The following MEGF11 variants were observed in gnomAD, a reference collection of about 807,000 sequenced individuals.
The protein encoded by MEGF11 is multiple epidermal growth factor-like domains protein 11.
In MEGF11, 126 loss-of-function variants were observed where a neutral mutation model predicts 146.6. The observed-to-expected ratio is 0.86, with a 90% confidence interval of 0.74 to 1.00. The LOEUF is 1.00. Among genes scored for constraint, MEGF11 ranks in the 50% least tolerant of loss-of-function variants. MEGF11 has a pLI of 0.00. For missense variants in MEGF11, 1,509 were observed against 1,521.2 expected (o/e 0.99, Z 0.13); for synonymous variants, 532 against 583.4 (o/e 0.91, Z 1.27).
intron 4 of MEGF11, among the ~76,000 whole-genome samples, chr15:66,116,876 G>A (rs1029605195): frequency 6.6e-6 from 1 of 152,172 alleles, no homozygotes; most frequent in East Asian, 1.9e-4. Context: ...GTTCAGAGAG[G>A]TAAAGCCTTG....
intron 21 of MEGF11, among the ~76,000 whole-genome samples, chr15:65,911,838 TA>T (rs1363128677): frequency 2.6e-5 from 4 of 152,168 alleles, no homozygotes; most frequent in African/African-American, 7.2e-5. Flanking sequence ...GGTACAGGGG[TA>T]TATGTTATAC....
In MEGF11 at chr15:65,940,128, C is replaced by T. The variant is rs558508973; in HGVS notation, c.1288-9185G>A. On this transcript the variant is annotated intron_variant, in intron 10 of 25. Coordinates refer to ENST00000395614, the MANE Select transcript of MEGF11 (RefSeq NM_001385028.1). ...AAATGAGGCTGTGGCATGAAAGGGG[C>T]ACAGGCTAGTCCCTCCCTACTTCCA... 9.7e-4 allele frequency among the ~76,000 whole-genome samples: 147 copies of T among 152,268 alleles called. 2 individuals carry two copies. The South Asian group carries it at 0.03, about 31-fold the overall frequency.
At chr15:65,916,357 GTC>G in intron 17 of MEGF11, 81 bp from the exon 18 acceptor site, 1 of 1,470,952 alleles carries the variant, frequency 6.8e-7, no homozygotes, top group Non-Finnish European at 9.1e-7. Flanking sequence ...CCTGTCTTCT[GTC>G]TCTTTTTTTG....
intron 5 of MEGF11, among the ~76,000 whole-genome samples, chr15:66,082,448 AAAAAAAAAAAAAAAAAAAATCT>A (rs1411336527): frequency 1.8e-5 from 2 of 113,334 alleles, no homozygotes; most frequent in African/African-American, 7.5e-5. Flanking sequence ...AAAAAAAAAA[AAAAAAAAAAAAAAAAAAAATCT>A]ATCTATCTAT....
intron 8 of MEGF11, among the ~76,000 whole-genome samples, chr15:65,966,118 C>A (rs1260911097): frequency 6.6e-6 from 1 of 152,158 alleles, no homozygotes; most frequent in Non-Finnish European, 1.5e-5. Context: ...GCCTCAGCCT[C>A]CCGAGTAGCT....
chr15:65,916,602 C>T lies in MEGF11; in HGVS notation c.2215+226G>A, dbSNP rs202208085. On this transcript the variant is annotated intron_variant, in intron 17 of 25. Coordinates refer to ENST00000395614, the MANE Select transcript of MEGF11 (RefSeq NM_001385028.1). ...TCTTGGTGATTGCTGGAGTACCTTG[C>T]AGCCCTGACCTTCCAGGACTTTGGG... The T allele has an allele frequency of 1.9e-4, 155 of 805,280 alleles. 2 individuals carry two copies. In the Middle Eastern group the frequency reaches 4.7e-3, roughly 24 times the overall value. The allele number at this position is 805,280 out of a possible 1,614,324, so 49.9% of individuals were successfully genotyped here. A position where few individuals can be genotyped will look rare whatever the true frequency, so the allele number is the denominator to read the frequency against.
chr15:66,215,852 C>A (rs1386861289), intron 1 of MEGF11, among the ~76,000 whole-genome samples: 1 of 152,194 alleles, frequency 6.6e-6, no homozygotes, highest in Admixed American at 6.5e-5. Context: ...ATTGGAAATT[C>A]ATGGCAAATT....
chr15:66,093,934 T>C (rs1026014190), intron 5 of MEGF11, among the ~76,000 whole-genome samples: 1 of 152,110 alleles, frequency 6.6e-6, no homozygotes, highest in Non-Finnish European at 1.5e-5. Flanking sequence ...TGTTCTAATT[T>C]TGGGGACACA....
intron 13 of MEGF11, 90 bp from the exon 14 acceptor site, chr15:65,923,059 G>A (rs553086765): frequency 7.1e-7 from 1 of 1,408,768 alleles, no homozygotes; most frequent in South Asian, 1.3e-5. Context: ...AGTATGAAGA[G>A]GTGGAGGCAA....
At chr15:66,038,866 A>AG (rs1404054809) in intron 5 of MEGF11, among the ~76,000 whole-genome samples, 1 of 152,146 alleles carries the variant, frequency 6.6e-6, no homozygotes, top group Admixed American at 6.5e-5. Context: ...CCAAAGCAGG[A>AG]GGGGAAAAAA....
chr15:66,041,557 A>G (rs551204619), intron 5 of MEGF11, among the ~76,000 whole-genome samples: 1 of 152,352 alleles, frequency 6.6e-6, no homozygotes, highest in African/African-American at 2.4e-5. Flanking sequence ...CTCTGGGTCA[A>G]ACCCTGCCTG....
At chr15:66,196,787 G>A (rs1046962330) in intron 1 of MEGF11, among the ~76,000 whole-genome samples, 6 of 152,194 alleles carry the variant, frequency 3.9e-5, no homozygotes, top group Non-Finnish European at 8.8e-5. Flanking sequence ...AAATGGTTAA[G>A]GGGGAATGTG....
intron 1 of MEGF11, among the ~76,000 whole-genome samples, chr15:66,141,458 T>C (rs537723645): frequency 7.9e-5 from 12 of 152,044 alleles, no homozygotes; most frequent in Non-Finnish European, 1.6e-4. Flanking sequence ...TGTGTGACCT[T>C]GGGTAGGAGG....
At position 65,970,572 on chromosome 15, in the gene MEGF11, C is replaced by A. The variant is rs755944197; in HGVS notation, c.880G>T (p.Ala294Ser). ...CCTTACCTGTCCCCCATGTATCCAG[C>A]TGTACAGTGGCACTGTCCAGTCACG... ...DHVTGQCHCTAGYMGDRCQEE... is the reference protein window; with the variant it reads ...DHVTGQCHCTSGYMGDRCQEE... The change falls in exon 8 of 26, where the codon GCT becomes TCT. Residue 294 changes from alanine (A) to serine (S), a missense_variant. Transcript: ENST00000395614. 1.2e-6 allele frequency: 2 copies of A among 1,614,034 alleles called. No individual in the cohort carries two copies. Among genetic ancestry groups the A allele is most frequent in the Admixed American group, 1.7e-5 (1 of 60,028 alleles).
intron 13 of MEGF11, among the ~76,000 whole-genome samples, chr15:65,927,111 C>A (rs140722677): frequency 6.6e-6 from 1 of 152,222 alleles, no homozygotes; most frequent in Non-Finnish European, 1.5e-5. Flanking sequence ...TTGGGACTGG[C>A]TAGTAGGTTC....
intron 10 of MEGF11, among the ~76,000 whole-genome samples, chr15:65,943,449 T>C (rs1019505622): frequency 1.3e-5 from 2 of 151,872 alleles, no homozygotes; most frequent in Non-Finnish European, 2.9e-5. Context: ...CTGCAGGCTG[T>C]TTTGGTGAGC....
At chr15:66,176,781 T>A (rs946842098) in intron 1 of MEGF11, among the ~76,000 whole-genome samples, 1 of 152,222 alleles carries the variant, frequency 6.6e-6, no homozygotes, top group South Asian at 2.1e-4. Context: ...GGTTTTAGGA[T>A]GAAGCTGGGC....
At chr15:65,916,315 G>C in intron 17 of MEGF11, 39 bp from the exon 18 acceptor site, 5 of 1,539,022 alleles carry the variant, frequency 3.2e-6, no homozygotes, top group Non-Finnish European at 4.4e-6. Context: ...AGTTGCTGCT[G>C]GGTGGGGACA....
intron 1 of MEGF11, among the ~76,000 whole-genome samples, chr15:66,183,215 G>A (rs1030125952): frequency 1.3e-5 from 2 of 152,106 alleles, no homozygotes; most frequent in African/African-American, 4.8e-5. Context: ...AGATACACAC[G>A]GTGGCTGGGC....
Sources: gnomAD v4.1 joint callset for allele counts (sites outside exome capture counted in the v4.1 genomes callset) on GRCh38, gnomAD v4.1.1 for gene constraint, MANE v1.5 for transcripts, NCBI Gene and HGNC (gene_info 2026-07-23, HGNC 2026-07-21) for gene names.